Variants in KLRB1 observed in about 807,000 individuals in gnomAD.
The protein encoded by KLRB1 is killer cell lectin like receptor B1, also known as killer cell lectin-like receptor subfamily B member 1.
In KLRB1, 27 loss-of-function variants were observed where a neutral mutation model predicts 33.5. That is an observed-to-expected ratio of 0.81 (90% CI 0.59 to 1.11). The LOEUF is 1.11. Among genes scored for constraint, KLRB1 ranks in the 50% most tolerant of loss-of-function variants. The probability of loss-of-function intolerance (pLI) is 0.00; values close to 1 mark genes in which losing one functional copy is unlikely to be tolerated. For synonymous variants in KLRB1, 64 were observed against 88.9 expected, an observed-to-expected ratio of 0.72 and a Z score of 1.58; for missense variants, 241 against 254.1, an observed-to-expected ratio of 0.95 and a Z score of 0.35.
chr12:9,602,592 CAT>C (rs990466408), intron 1 of KLRB1, among the ~76,000 whole-genome samples: 1 of 151,902 alleles, frequency 6.6e-6, no homozygotes, highest in Non-Finnish European at 1.5e-5. Context: ...CCTCTGCTCT[CAT>C]TTGGTTTTTA....
At chr12:9,607,362 T>TTCTTTCTTTCTC (rs1565444629) in intron 1 of KLRB1, among the ~76,000 whole-genome samples, 13 of 78,898 alleles carry the variant, frequency 1.6e-4, no homozygotes, top group Non-Finnish European at 2.6e-4. Flanking sequence ...CTTCCTTTCT[T>TTCTTTCTTTCTC]TCTTTCTTTC....
chr12:9,595,566 T>C (rs1169822291), intron 5 of KLRB1, 145 bp from the exon 6 acceptor site: 2 of 719,708 alleles, frequency 2.8e-6, no homozygotes, highest in Non-Finnish European at 4.7e-6. Context: ...AATATAATGG[T>C]ATGAACTTTT....
chr12:9,606,906 GC>G (rs1335756275), intron 1 of KLRB1, among the ~76,000 whole-genome samples: 2 of 151,064 alleles, frequency 1.3e-5, no homozygotes, highest in Non-Finnish European at 2.9e-5. Context: ...ACAGGCACGT[GC>G]CCCACACTTG....
At chr12:9,602,796 G>A (rs1192642257) in intron 1 of KLRB1, among the ~76,000 whole-genome samples, 1 of 151,852 alleles carries the variant, frequency 6.6e-6, no homozygotes, top group African/African-American at 2.4e-5. Context: ...AAAAAATTTA[G>A]CATCAGATAT....
At chr12:9,600,590 C>A (rs1445804531) in intron 2 of KLRB1, among the ~76,000 whole-genome samples, 1 of 152,180 alleles carries the variant, frequency 6.6e-6, no homozygotes, top group Non-Finnish European at 1.5e-5. Context: ...TAATCTATAA[C>A]CTTACCCCCA....
In KLRB1 at chr12:9,598,108, T is replaced by C; in HGVS notation, c.468A>G (p.Leu156=). ...RDKAILFWIG[L]NFSLSEKNWK... is the part of the protein sequence containing the mutation. ...AGTTCTTTTCTGATAATGAAAAATTTAATCCAATCCAAAACAGAATTGCTT... is the reference window on the plus strand; with the variant it reads ...AGTTCTTTTCTGATAATGAAAAATTCAATCCAATCCAAAACAGAATTGCTT... The change falls in exon 5 of 6, where the codon TTA becomes TTG. Residue 156 remains leucine, a synonymous_variant. Coordinates refer to ENST00000229402, the MANE Select transcript of KLRB1 (RefSeq NM_002258.3). 6.3e-7 allele frequency: 1 copy of C among 1,598,528 alleles called. No individual in the cohort carries two copies. Among genetic ancestry groups the C allele is most frequent in the Non-Finnish European group, 8.5e-7 (1 of 1,174,918 alleles).
intron 2 of KLRB1, among the ~76,000 whole-genome samples, chr12:9,600,387 A>C (rs1344789308): frequency 6.6e-6 from 1 of 152,162 alleles, no homozygotes; most frequent in Admixed American, 6.6e-5. Context: ...ATATGGACTG[A>C]CTGTTAGAAA....
intron 2 of KLRB1, 114 bp from the exon 3 acceptor site, chr12:9,599,955 G>T: frequency 1.4e-5 from 7 of 516,644 alleles, no homozygotes; most frequent in South Asian, 2.7e-5. Context: ...AATATGGACA[G>T]AAAATAAAAG....
chr12:9,599,490 C>T (rs1437332511), intron 3 of KLRB1, among the ~76,000 whole-genome samples: 1 of 152,168 alleles, frequency 6.6e-6, no homozygotes, highest in African/African-American at 2.4e-5. Flanking sequence ...AGTGGAGTAT[C>T]CTAGCAGAGG....
At chr12:9,601,736 G>A (rs187690162) in intron 1 of KLRB1, 137 bp from the exon 2 acceptor site, 152 of 624,238 alleles carry the variant, frequency 2.4e-4, no homozygotes, top group Non-Finnish European at 3.9e-4. Context: ...TTGGGGGATG[G>A]GGGCAGGGAA....
At chr12:9,605,282 C>G (rs1174956023) in intron 1 of KLRB1, among the ~76,000 whole-genome samples, 1 of 152,144 alleles carries the variant, frequency 6.6e-6, no homozygotes, top group Non-Finnish European at 1.5e-5. Flanking sequence ...ATTGTGAATG[C>G]TGCCGCAATA....
Position 9,598,406 on chromosome 12 carries a change from C to T in KLRB1, c.414+93G>A, listed in dbSNP as rs772460619. The T allele has an allele frequency of 3.1e-4, 347 of 1,108,410 alleles. 5 individuals are homozygous for T. Among genetic ancestry groups the T allele is most frequent in the Middle Eastern group, 8.3e-4 (4 of 4,802 alleles). The allele number at this position is 1,108,410 out of a possible 1,614,324, so 68.7% of individuals were successfully genotyped here. On this transcript the variant is annotated intron_variant, in intron 4 of 5. Transcript: ENST00000229402. ...AATTGTGAAGTCAAAGTCATCACTT[C>T]CATTGCATAAAACCCCTGGGCTAAT... is the stretch of plus-strand genomic sequence containing the variant.
At chr12:9,607,370 T>TTCTTTCTTTCTC (rs879417580) in intron 1 of KLRB1, among the ~76,000 whole-genome samples, 1,017 of 86,442 alleles carry the variant, frequency 0.012, 28 homozygotes, top group Middle Eastern at 0.048. Context: ...CTTTCTTTCT[T>TTCTTTCTTTCTC]TCTTTCTTTC....
At chr12:9,603,267 G>A (rs1270575813) in intron 1 of KLRB1, among the ~76,000 whole-genome samples, 1 of 152,098 alleles carries the variant, frequency 6.6e-6, no homozygotes, top group Non-Finnish European at 1.5e-5. Context: ...ATAAGCCCAA[G>A]ACAGCACTGG....
intron 1 of KLRB1, among the ~76,000 whole-genome samples, chr12:9,604,403 C>CTCTT (rs36037376): frequency 0.33 from 49,977 of 151,832 alleles, 8,478 homozygotes; most frequent in South Asian, 0.47. Context: ...ACTCACATCT[C>CTCTT]TCTGGTTTTG....
chr12:9,607,017 T>A (rs1352991424), intron 1 of KLRB1, among the ~76,000 whole-genome samples: 1 of 151,808 alleles, frequency 6.6e-6, no homozygotes, highest in African/African-American at 2.4e-5. Context: ...CCTACCAAAG[T>A]GTTGGGATTA....
intron 1 of KLRB1, among the ~76,000 whole-genome samples, chr12:9,606,760 A>ATATATAT (rs1336534922): frequency 4.7e-5 from 3 of 63,744 alleles, no homozygotes; most frequent in African/African-American, 1.7e-4. Context: ...ATATATATAT[A>ATATATAT]TTTTTTTTTT....
In KLRB1 at chr12:9,598,533, G is replaced by C. The variant is rs748093407; in HGVS notation, c.380C>G (p.Ser127Cys). The stretch of plus-strand genomic sequence containing the variant: ...CTTATCTCGAATAAGCAGCAGGCTG[G>C]ATTCTTTGGTGGAACAATCAGCTAG... ...NSLADCSTKESSLLLIRDKDE... is the reference protein window; with the variant it reads ...NSLADCSTKECSLLLIRDKDE... Residue 127 changes from serine (S) to cysteine (C), a missense_variant, in exon 4 of 6, where the codon TCC (serine) becomes TGC (cysteine). By Grantham distance (112) the Ser-to-Cys change is moderately radical (BLOSUM62 -1). Transcript: ENST00000229402. 2.5e-6 allele frequency: 4 copies of C among 1,612,492 alleles called. No homozygotes were observed. The highest frequency in any genetic ancestry group is 1.3e-5 in the African/African-American group (1 of 74,890).
chr12:9,603,544 C>A (rs1864566919), intron 1 of KLRB1, among the ~76,000 whole-genome samples: 1 of 152,042 alleles, frequency 6.6e-6, no homozygotes, highest in Non-Finnish European at 1.5e-5. Context: ...CTTGCCTCAA[C>A]CTCCCGAGTA....
Sources: allele counts gnomAD v4.1 joint callset (sites outside exome capture counted in the v4.1 genomes callset), GRCh38; gene constraint gnomAD v4.1.1; transcripts MANE v1.5; gene names NCBI Gene and HGNC (gene_info 2026-07-23, HGNC 2026-07-21).